PCDHA7: variants seen among roughly 807,000 people sequenced by gnomAD.
PCDHA7 encodes protocadherin alpha 7, also known as protocadherin alpha-7.
In PCDHA7, 37 loss-of-function variants were observed where a neutral mutation model predicts 57.2. The ratio of observed to expected loss-of-function variants is 0.65; its 90% confidence interval spans 0.50 to 0.85. PCDHA7 has a LOEUF of 0.85. Among genes scored for constraint, PCDHA7 ranks in the 40% least tolerant of loss-of-function variants. PCDHA7 has a pLI of 0.00. For missense variants in PCDHA7, 1,188 were observed against 1,241.8 expected (o/e 0.96, Z 0.65); for synonymous variants, 553 against 558.8 (o/e 0.99, Z 0.15).
rs1022293477 is a variant in PCDHA7, at chr5:140,841,242, T to C, written c.2355+4504T>C. 4.7e-6 allele frequency: 7 copies of C among 1,492,124 alleles called. No individual in the cohort carries two copies. The Admixed American group carries it at 6.7e-5, about 14-fold the overall frequency. The allele number at this position is 1,492,124 out of a possible 1,614,324, so 92.4% of individuals were successfully genotyped here. On this transcript the variant is annotated intron_variant, in intron 1 of 3. Transcript: ENST00000525929. ...CCGAACAACGGGAGATGCAGCGGAATTGGATTAAAAGACTCTGAAAGTACA... is the reference window on the plus strand; with the variant it reads ...CCGAACAACGGGAGATGCAGCGGAACTGGATTAAAAGACTCTGAAAGTACA...
chr5:140,976,507 C>T (rs868949957), intron 1 of PCDHA7, among the ~76,000 whole-genome samples: 2 of 151,968 alleles, frequency 1.3e-5, no homozygotes, highest in African/African-American at 4.8e-5. Context: ...GCCAAGATCG[C>T]GCCACTGCAC....
intron 1 of PCDHA7, among the ~76,000 whole-genome samples, chr5:140,888,287 C>G (rs1371852276): frequency 6.6e-6 from 1 of 152,072 alleles, no homozygotes; most frequent in African/African-American, 2.4e-5. Flanking sequence ...CCCCTCTACC[C>G]CCTACCCAGG....
chr5:140,869,407 T>C, intron 1 of PCDHA7: 3 of 1,614,120 alleles, frequency 1.9e-6, no homozygotes, highest in Non-Finnish European at 2.5e-6. Context: ...GAGCGCGGAG[T>C]GCAGCATCCA....
At chr5:140,960,131 C>T (rs781965980) in intron 1 of PCDHA7, among the ~76,000 whole-genome samples, 11 of 152,114 alleles carry the variant, frequency 7.2e-5, no homozygotes, top group African/African-American at 9.7e-5. Context: ...TTATGAAATA[C>T]TTAGATATTA....
rs2042023727 is a variant in PCDHA7, at chr5:140,851,309, G to T, written c.2355+14571G>T. ...ACCCAAGCAAAAATATATAGCAATT[G>T]TTACCTTGTTAAGTTTGTAGTTCTC... On this transcript the variant is annotated intron_variant, in intron 1 of 3. Coordinates refer to ENST00000525929, the MANE Select transcript of PCDHA7 (RefSeq NM_018910.3). 5.0e-6 allele frequency: 5 copies of T among 1,000,390 alleles called. 1 individual carries two copies. Among genetic ancestry groups the T allele is most frequent in the Admixed American group, 5.3e-5 (1 of 18,698 alleles). 62.0% of individuals were successfully genotyped at this position (1,000,390 alleles called of 1,614,324 possible).
At chr5:140,870,614 C>A (rs782305059) in intron 1 of PCDHA7, 1 of 1,613,212 alleles carries the variant, frequency 6.2e-7, no homozygotes, top group South Asian at 1.1e-5. Flanking sequence ...CGCGCGCTGT[C>A]GAGCTACGTG....
intron 1 of PCDHA7, chr5:140,968,152 C>T (rs782362724): frequency 6.2e-7 from 1 of 1,614,172 alleles, no homozygotes; most frequent in South Asian, 1.1e-5. Context: ...TCTCTGACAT[C>T]AATGACAATC....
At chr5:141,005,960 TA>T (rs1322848010) in intron 3 of PCDHA7, among the ~76,000 whole-genome samples, 2 of 151,500 alleles carry the variant, frequency 1.3e-5, no homozygotes, top group Non-Finnish European at 2.9e-5. Context: ...CAAACAACAA[TA>T]AAAAAACAAT....
At chr5:140,955,233 T>A (rs1554221819) in intron 1 of PCDHA7, among the ~76,000 whole-genome samples, 1 of 152,198 alleles carries the variant, frequency 6.6e-6, no homozygotes, top group African/African-American at 2.4e-5. Flanking sequence ...TTTGTTCTTT[T>A]GCTTAGGATC....
rs146745311 is a variant in PCDHA7 at position 140,842,835 on chromosome 5, C to G, written c.2355+6097C>G. 9.4e-6 allele frequency: 15 copies of G among 1,593,736 alleles called. 3 individuals are homozygous for G. The African/African-American group carries it at 1.6e-4, about 17-fold the overall frequency. Reference sequence around the variant, plus strand: ...CGGCGGGTGGGCGAGCGCTCGCTGTCGAGCTACATTTCGGTGCACACGGAG... The same window carrying G: ...CGGCGGGTGGGCGAGCGCTCGCTGTGGAGCTACATTTCGGTGCACACGGAG... On this transcript the variant is annotated intron_variant, in intron 1 of 3. Transcript: ENST00000525929.
intron 3 of PCDHA7, among the ~76,000 whole-genome samples, chr5:140,997,165 G>A (rs1554255769): frequency 6.6e-6 from 1 of 151,976 alleles, no homozygotes; most frequent in African/African-American, 2.4e-5. Flanking sequence ...CCTGCCCAGA[G>A]TGGTACATTC....
intron 3 of PCDHA7, among the ~76,000 whole-genome samples, chr5:141,005,306 C>T (rs1563689503): frequency 6.6e-6 from 1 of 152,158 alleles, no homozygotes; most frequent in Non-Finnish European, 1.5e-5. Context: ...CTTTGTGAAT[C>T]TTACAGTGGT....
At position 140,836,292 on chromosome 5, in the gene PCDHA7, C is replaced by T. The variant is rs1774344523; in HGVS notation, c.1909C>T (p.Leu637=). 1.2e-6 allele frequency: 2 copies of T among 1,613,782 alleles called. No homozygotes were observed. The highest frequency in any genetic ancestry group is 1.7e-6 in the Non-Finnish European group (2 of 1,179,812). The change falls in exon 1 of 4, where the codon CTA becomes TTA. Residue 637 remains leucine (L), a synonymous_variant. Coordinates refer to ENST00000525929, the MANE Select transcript of PCDHA7 (RefSeq NM_018910.3). ...TGGTGAGATCAGCACGACACGAGCCCTAGATGAGACGGACGCACCGCGCCA... is the reference window on the plus strand; with the variant it reads ...TGGTGAGATCAGCACGACACGAGCCTTAGATGAGACGGACGCACCGCGCCA... ...YTGEISTTRA[L]DETDAPRHRL...
At chr5:140,857,932 C>A (rs1393571264) in intron 1 of PCDHA7, 1 of 1,597,630 alleles carries the variant, frequency 6.3e-7, no homozygotes, top group African/African-American at 1.3e-5. Flanking sequence ...TGTACACGGG[C>A]GAGATCAGTA....
intron 1 of PCDHA7, chr5:140,883,809 G>A (rs781801106): frequency 6.2e-7 from 1 of 1,612,420 alleles, no homozygotes; most frequent in East Asian, 2.2e-5. Context: ...CACGCGGAGA[G>A]CGGCAAGGTG....
chr5:140,896,194 T>G (rs2065426928), intron 1 of PCDHA7, among the ~76,000 whole-genome samples: 2 of 152,244 alleles, frequency 1.3e-5, no homozygotes, highest in Middle Eastern at 3.2e-3. Flanking sequence ...AATAGTGCCA[T>G]GATGAACATA....
chr5:140,853,445 A>G, intron 1 of PCDHA7: 1 of 981,870 alleles, frequency 1.0e-6, no homozygotes, highest in Non-Finnish European at 1.2e-6. Flanking sequence ...ATTTTGCCTA[A>G]TAGGTCTCCT....
chr5:140,884,818 T>C (rs1298208791), intron 1 of PCDHA7: 1 of 1,050,614 alleles, frequency 9.5e-7, no homozygotes, highest in Non-Finnish European at 1.3e-6. Context: ...CTGTGGACAT[T>C]ATGTGTTGGA....
intron 1 of PCDHA7, chr5:140,876,824 A>G (rs1554168970): frequency 1.2e-6 from 2 of 1,614,116 alleles, no homozygotes; most frequent in Non-Finnish European, 1.7e-6. Context: ...GTGAACGACA[A>G]TGCGCCTGCG....
Sources: allele counts gnomAD v4.1 joint callset (sites outside exome capture counted in the v4.1 genomes callset), GRCh38; gene constraint gnomAD v4.1.1; transcripts MANE v1.5; gene names NCBI Gene and HGNC (gene_info 2026-07-23, HGNC 2026-07-21).